PSPH: variants seen among roughly 807,000 people sequenced by gnomAD.
PSPH encodes the protein phosphoserine phosphatase, also known as L-3-phosphoserine phosphatase.
PSPH carries 16 observed loss-of-function variants against 23.4 expected under a neutral mutation model. That is an observed-to-expected ratio of 0.68 (90% CI 0.46 to 1.04). PSPH has a LOEUF of 1.04. PSPH is among the 50% of genes least tolerant of loss of function. The pLI is 0.00. For synonymous variants in PSPH, 68 were observed against 99.7 expected, an observed-to-expected ratio of 0.68 and a Z score of 1.89; for missense variants, 223 against 273.7, an observed-to-expected ratio of 0.81 and a Z score of 1.31.
chr7:56,034,393 G>C (rs1791446312), intron 1 of PSPH, among the ~76,000 whole-genome samples: 1 of 152,200 alleles, frequency 6.6e-6, no homozygotes, highest in African/African-American at 2.4e-5. Context: ...GGTGAGGGAA[G>C]CAAGGGACTG....
At chr7:56,040,028 G>C (rs1792300913) in intron 1 of PSPH, among the ~76,000 whole-genome samples, 2 of 151,706 alleles carry the variant, frequency 1.3e-5, no homozygotes, top group East Asian at 3.9e-4. Flanking sequence ...GAACCTGGGA[G>C]GCAGAGCTTG....
Position 56,017,304 on chromosome 7 carries a change from C to A in PSPH, c.351G>T (p.Glu117Asp), listed in dbSNP as rs766126853. Residue 117 changes from glutamate (E) to aspartate (D), a missense_variant, in exon 6 of 8, where the codon GAG becomes GAT. Physicochemically the swap from Glu to Asp is conservative, Grantham distance 45. Coordinates refer to ENST00000275605, the MANE Select transcript of PSPH (RefSeq NM_004577.4). ...LISGGFRSIV[E>D]HVASKLNIPA... is the part of the protein sequence containing the mutation. ...GGATATTGAGCTTTGAAGCAACATG[C>A]TCTACAATACTCCTAAAGCCACCAG... The A allele has an allele frequency of 4.3e-5, 69 of 1,613,316 alleles. No homozygotes were observed. The highest frequency in any genetic ancestry group is 5.6e-5 in the Non-Finnish European group (66 of 1,179,668).
At chr7:56,014,551 C>T (rs1056458692) in intron 7 of PSPH, among the ~76,000 whole-genome samples, 4 of 152,098 alleles carry the variant, frequency 2.6e-5, no homozygotes, top group African/African-American at 9.7e-5. Context: ...GATGGGGTCT[C>T]ACTATGTTGA....
chr7:56,031,004 G>A (rs1790904278), intron 3 of PSPH, among the ~76,000 whole-genome samples: 1 of 151,866 alleles, frequency 6.6e-6, no homozygotes, highest in Non-Finnish European at 1.5e-5. Context: ...GAGGTCAGGA[G>A]ATCGAGACCA....
At chr7:56,025,998 G>T (rs962242069) in intron 3 of PSPH, among the ~76,000 whole-genome samples, 3 of 152,008 alleles carry the variant, frequency 2.0e-5, no homozygotes, top group Non-Finnish European at 4.4e-5. Context: ...CTTCTTCACC[G>T]TGCAGATCAA....
intron 3 of PSPH, 131 bp from the exon 4 acceptor site, chr7:56,021,362 ATT>A: frequency 1.2e-6 from 1 of 800,524 alleles, no homozygotes; most frequent in African/African-American, 1.8e-5. Context: ...TCACAGATTC[ATT>A]TTTTTTTCCT....
intron 3 of PSPH, among the ~76,000 whole-genome samples, chr7:56,030,468 T>C (rs1239280287): frequency 6.6e-6 from 1 of 151,788 alleles, no homozygotes; most frequent in Non-Finnish European, 1.5e-5. Flanking sequence ...TGAAAACATG[T>C]CCTTTGCTGC....
chr7:56,049,141 G>C (rs1226249009), intron 1 of PSPH, among the ~76,000 whole-genome samples: 1 of 151,634 alleles, frequency 6.6e-6, no homozygotes, highest in Non-Finnish European at 1.5e-5. Flanking sequence ...AGCCAGGATA[G>C]TGTCGATCTC....
intron 7 of PSPH, among the ~76,000 whole-genome samples, chr7:56,012,273 C>T (rs928913336): frequency 5.9e-5 from 9 of 152,120 alleles, no homozygotes; most frequent in African/African-American, 2.2e-4. Context: ...CTCACTGCAG[C>T]CTTGAACTTC....
chr7:56,028,670 T>G (rs1485659842), intron 3 of PSPH, among the ~76,000 whole-genome samples: 2 of 152,072 alleles, frequency 1.3e-5, no homozygotes, highest in African/African-American at 2.4e-5. Flanking sequence ...GGAGATGGCC[T>G]TCACCCATTG....
intron 1 of PSPH, among the ~76,000 whole-genome samples, chr7:56,035,826 G>A (rs955637392): frequency 2.6e-5 from 4 of 151,882 alleles, no homozygotes; most frequent in African/African-American, 4.8e-5. Flanking sequence ...CACCATGTTG[G>A]CCAGGCTGGT....
rs559518342 is a variant in PSPH at position 56,017,559 on chromosome 7, T to C, written c.276-180A>G. Among the ~76,000 whole-genome samples the C allele has an allele frequency of 4.6e-5, 7 of 150,734 alleles. No homozygotes were observed. In the East Asian group the frequency reaches 1.2e-3, roughly 25 times the overall value. ...GTTTTATATATGTTTTTCTTTTTCTTTTTTTTTTGAGATGGAGTCTCGCTC... is the reference window on the plus strand; with the variant it reads ...GTTTTATATATGTTTTTCTTTTTCTCTTTTTTTTGAGATGGAGTCTCGCTC... On this transcript the variant is annotated intron_variant, in intron 5 of 7. Coordinates refer to ENST00000275605, the MANE Select transcript of PSPH (RefSeq NM_004577.4).
chr7:56,014,312 G>T (rs1788308209), intron 7 of PSPH, among the ~76,000 whole-genome samples: 1 of 152,128 alleles, frequency 6.6e-6, no homozygotes, highest in Non-Finnish European at 1.5e-5. Context: ...GCTAAAAGGT[G>T]GTGCCCATCC....
At chr7:56,031,335 G>A (rs1454179233) in intron 3 of PSPH, among the ~76,000 whole-genome samples, 1 of 152,206 alleles carries the variant, frequency 6.6e-6, no homozygotes, top group Non-Finnish European at 1.5e-5. Context: ...CAAACCCTGG[G>A]TGATGGGATC....
intron 1 of PSPH, among the ~76,000 whole-genome samples, chr7:56,040,225 A>G (rs1329961249): frequency 6.6e-6 from 1 of 152,226 alleles, no homozygotes; most frequent in African/African-American, 2.4e-5. Flanking sequence ...AAATATGCCC[A>G]TGATATGTTC....
In PSPH at chr7:56,017,302, T is replaced by C. The variant is rs1339587709; in HGVS notation, c.353A>G (p.His118Arg). The C allele has an allele frequency of 1.2e-6, 2 of 1,613,726 alleles. No homozygotes were observed. The highest frequency in any genetic ancestry group is 1.3e-5 in the African/African-American group (1 of 74,894). ...ISGGFRSIVE[H>R]VASKLNIPAT... Reference sequence around the variant, plus strand: ...TGGGATATTGAGCTTTGAAGCAACATGCTCTACAATACTCCTAAAGCCACC... The same window carrying C: ...TGGGATATTGAGCTTTGAAGCAACACGCTCTACAATACTCCTAAAGCCACC... Residue 118 changes from histidine to arginine, a missense_variant, in exon 6 of 8, where the codon CAT (histidine) becomes CGT (arginine). Physicochemically the swap from His to Arg is conservative, Grantham distance 29. Coordinates refer to ENST00000275605, the MANE Select transcript of PSPH (RefSeq NM_004577.4).
In PSPH at chr7:56,018,164, T is replaced by C. The variant is rs563091224; in HGVS notation, c.276-785A>G. On this transcript the variant is annotated intron_variant, in intron 5 of 7. Coordinates refer to ENST00000275605, the MANE Select transcript of PSPH (RefSeq NM_004577.4). ...TTCGAGACCAGCCTGACCAAAATAG[T>C]GAAACTCCATCTCTACTAAAAATAC... is the stretch of plus-strand genomic sequence containing the variant. Among the ~76,000 whole-genome samples, 5 of 151,898 alleles carry C rather than the reference T, an allele frequency of 3.3e-5. No individual in the cohort carries two copies. The East Asian group carries it at 9.9e-4, about 30-fold the overall frequency.
chr7:56,035,708 C>A (rs555820367), intron 1 of PSPH, among the ~76,000 whole-genome samples: 11 of 152,064 alleles, frequency 7.2e-5, no homozygotes, highest in African/African-American at 2.4e-4. Context: ...CAACCTCCGC[C>A]TCCTGGGTTC....
chr7:56,041,962 C>T (rs866481845), intron 1 of PSPH, among the ~76,000 whole-genome samples: 52 of 150,728 alleles, frequency 3.4e-4, no homozygotes, highest in South Asian at 1.0e-3. Flanking sequence ...GTGGCTCATG[C>T]CTGTAATCCC....
Sources: gnomAD v4.1 joint callset for allele counts (sites outside exome capture counted in the v4.1 genomes callset) on GRCh38, gnomAD v4.1.1 for gene constraint, MANE v1.5 for transcripts, NCBI Gene and HGNC (gene_info 2026-07-23, HGNC 2026-07-21) for gene names.